PRKCE: variants seen among roughly 807,000 people sequenced by gnomAD.
PRKCE encodes the protein protein kinase C epsilon, also known as protein kinase C epsilon type.
A neutral mutation model predicts 85.4 loss-of-function variants in PRKCE; 16 were observed. That is an observed-to-expected ratio of 0.19 (90% CI 0.13 to 0.28). The LOEUF is 0.28. Ranked by LOEUF, PRKCE falls within the 10% of genes least tolerant of loss-of-function variation. PRKCE has a pLI of 1.00. For synonymous variants in PRKCE, 388 were observed against 371.5 expected, an observed-to-expected ratio of 1.04 and a Z score of -0.51; for missense variants, 573 against 975.2, an observed-to-expected ratio of 0.59 and a Z score of 5.49.
chr2:45,858,754 T>C (rs1692888318), intron 2 of PRKCE, among the ~76,000 whole-genome samples: 1 of 152,150 alleles, frequency 6.6e-6, no homozygotes, highest in African/African-American at 2.4e-5. Flanking sequence ...ACTTAAATAG[T>C]ATCAGGCCGG....
In PRKCE at chr2:45,907,291, C is replaced by T. The variant is rs889206699; in HGVS notation, c.412+64228C>T. Among the ~76,000 whole-genome samples the T allele has an allele frequency of 6.6e-6, 1 of 152,136 alleles. No individual in the cohort carries two copies. Among genetic ancestry groups the T allele is most frequent in the Admixed American group, 6.5e-5 (1 of 15,278 alleles). On this transcript the variant is annotated intron_variant, in intron 2 of 14. Coordinates refer to ENST00000306156, the MANE Select transcript of PRKCE (RefSeq NM_005400.3). This position sits in a 1 kb window ranked among gnomAD's most constrained non-coding sequence, Gnocchi z 4.5. ...TGGCAAAGGAAAAAATAAATCAGCC[C>T]CCTATTGAGTGACTTTCAGGAATGA...
At chr2:45,975,644 C>A (rs1702398718) in intron 2 of PRKCE, among the ~76,000 whole-genome samples, 1 of 152,092 alleles carries the variant, frequency 6.6e-6, no homozygotes, top group African/African-American at 2.4e-5. Context: ...TAGCCCATAA[C>A]AATTATCTTT....
At chr2:45,794,303 G>C (rs1381356106) in intron 1 of PRKCE, among the ~76,000 whole-genome samples, 1 of 152,202 alleles carries the variant, frequency 6.6e-6, no homozygotes, top group Non-Finnish European at 1.5e-5. Context: ...TTATGTCAGA[G>C]TAAATGGAGT....
At chr2:45,721,119 A>G (rs1343497643) in intron 1 of PRKCE, among the ~76,000 whole-genome samples, 1 of 152,130 alleles carries the variant, frequency 6.6e-6, no homozygotes, top group Admixed American at 6.5e-5. Flanking sequence ...AAAACAAAAC[A>G]AAACAAAAAA....
At chr2:45,784,290 C>T (rs1045793549) in intron 1 of PRKCE, among the ~76,000 whole-genome samples, 5 of 152,230 alleles carry the variant, frequency 3.3e-5, no homozygotes. Context: ...GCAGAGGGAG[C>T]AGTGTTGACA....
chr2:46,156,203 T>C (rs1275440401), intron 13 of PRKCE, among the ~76,000 whole-genome samples: 1 of 152,010 alleles, frequency 6.6e-6, no homozygotes, highest in Non-Finnish European at 1.5e-5. Flanking sequence ...CCTCAGCCCT[T>C]CCCCGTCATC....
intron 2 of PRKCE, among the ~76,000 whole-genome samples, chr2:45,854,720 T>C (rs1013904106): frequency 5.9e-5 from 9 of 152,170 alleles, no homozygotes; most frequent in African/African-American, 2.2e-4. Context: ...TCCTTACACT[T>C]ACCACCAGGG....
At chr2:45,654,899 T>C (rs556561269) in intron 1 of PRKCE, among the ~76,000 whole-genome samples, 29 of 152,248 alleles carry the variant, frequency 1.9e-4, no homozygotes, top group African/African-American at 7.0e-4. Flanking sequence ...ACATTCAGGG[T>C]AAACCCATGG....
At chr2:46,032,435 G>T (rs1276169689) in intron 10 of PRKCE, among the ~76,000 whole-genome samples, 1 of 152,326 alleles carries the variant, frequency 6.6e-6, no homozygotes, top group Non-Finnish European at 1.5e-5. Context: ...CTTAAAATGG[G>T]CACGGGTTTG....
At chr2:46,032,053 G>T (rs943671685) in intron 10 of PRKCE, among the ~76,000 whole-genome samples, 1 of 152,102 alleles carries the variant, frequency 6.6e-6, no homozygotes, top group African/African-American at 2.4e-5. Context: ...TCTCCTTTGC[G>T]CAGTGGAAAT....
At chr2:45,729,171 C>A (rs1461004046) in intron 1 of PRKCE, among the ~76,000 whole-genome samples, 1 of 152,166 alleles carries the variant, frequency 6.6e-6, no homozygotes, top group Non-Finnish European at 1.5e-5. Flanking sequence ...GTCCTTGGGA[C>A]CCGAAGGAGC....
chr2:46,164,031 A>G (rs1678069410), intron 14 of PRKCE, among the ~76,000 whole-genome samples: 1 of 152,252 alleles, frequency 6.6e-6, no homozygotes, highest in Non-Finnish European at 1.5e-5. Context: ...GCAGATTGCC[A>G]TCACAAGACA....
chr2:45,846,993 T>C (rs935722675), intron 2 of PRKCE, among the ~76,000 whole-genome samples: 1 of 152,196 alleles, frequency 6.6e-6, no homozygotes. Flanking sequence ...AAGGACAGGT[T>C]TCTGACGCTG....
intron 2 of PRKCE, among the ~76,000 whole-genome samples, chr2:45,949,678 G>C (rs1390321338): frequency 3.3e-5 from 5 of 151,594 alleles, no homozygotes; most frequent in Non-Finnish European, 7.4e-5. Flanking sequence ...TTTATGTTTT[G>C]CTTTTTGCAC....
chr2:46,032,172 T>C (rs182168205), intron 10 of PRKCE, among the ~76,000 whole-genome samples: 293 of 152,296 alleles, frequency 1.9e-3, no homozygotes, highest in African/African-American at 6.7e-3. Flanking sequence ...CTTTACAAAG[T>C]CCTTTGTCCA....
At chr2:45,835,433 G>A (rs1226496956) in intron 1 of PRKCE, among the ~76,000 whole-genome samples, 1 of 152,042 alleles carries the variant, frequency 6.6e-6, no homozygotes, top group Non-Finnish European at 1.5e-5. Context: ...GCATTCACTG[G>A]CCACTTCCAG....
intron 2 of PRKCE, among the ~76,000 whole-genome samples, chr2:45,871,099 G>A (rs774914835): frequency 3.3e-5 from 5 of 152,222 alleles, no homozygotes; most frequent in Non-Finnish European, 5.9e-5. Flanking sequence ...AAGTTCCAGG[G>A]TGTCCTAGTC....
At chr2:45,979,213 C>T (rs1277465554) in intron 4 of PRKCE, among the ~76,000 whole-genome samples, 1 of 152,184 alleles carries the variant, frequency 6.6e-6, no homozygotes, top group Non-Finnish European at 1.5e-5. Context: ...TGTCTCCAGG[C>T]GTCCTTGTGA....
At chr2:45,874,077 A>G (rs1019990656) in intron 2 of PRKCE, among the ~76,000 whole-genome samples, 10 of 152,226 alleles carry the variant, frequency 6.6e-5, no homozygotes, top group Non-Finnish European at 1.2e-4. Flanking sequence ...ATAGTGCTGT[A>G]AGGTGCCCAC....
Sources: gnomAD v4.1 joint callset for allele counts (sites outside exome capture counted in the v4.1 genomes callset) on GRCh38, gnomAD v4.1.1 for gene constraint, Gnocchi (gnomAD v3.1) non-coding constraint, MANE v1.5 for transcripts, NCBI Gene and HGNC (gene_info 2026-07-23, HGNC 2026-07-21) for gene names.